Variants in EPS8 observed in about 807,000 individuals in gnomAD.
EPS8 encodes the protein epidermal growth factor receptor kinase substrate 8.
EPS8 carries 42 observed loss-of-function variants against 103.8 expected under a neutral mutation model. The ratio of observed to expected loss-of-function variants is 0.40; its 90% CI spans 0.32 to 0.52. The LOEUF (loss-of-function observed/expected upper bound fraction) is 0.52, where lower values mean the gene tolerates loss of function less well. Among genes scored for constraint, EPS8 ranks in the 20% least tolerant of loss-of-function variants. The pLI, the probability that EPS8 is intolerant of heterozygous loss-of-function variation, is 0.40. For missense variants in EPS8, 969 were observed against 1,005.1 expected (o/e 0.96, Z 0.49); for synonymous variants, 344 against 344.6 (o/e 1.00, Z 0.02).
intron 6 of EPS8, among the ~76,000 whole-genome samples, chr12:15,668,728 T>C (rs1445094131): frequency 6.6e-6 from 1 of 152,234 alleles, no homozygotes; most frequent in Non-Finnish European, 1.5e-5. Context: ...TCTAAGTACT[T>C]CATTGCAGTA....
At chr12:15,774,219 A>G (rs1030930396) in intron 1 of EPS8, among the ~76,000 whole-genome samples, 2 of 152,084 alleles carry the variant, frequency 1.3e-5, no homozygotes, top group Admixed American at 1.3e-4. Flanking sequence ...AAAATGAGGA[A>G]CTAATGAATT....
intron 1 of EPS8, among the ~76,000 whole-genome samples, chr12:15,770,089 C>T (rs1947137513): frequency 6.6e-6 from 1 of 151,654 alleles, no homozygotes; most frequent in Non-Finnish European, 1.5e-5. Flanking sequence ...ACTACAGGCA[C>T]ATGCCACCAT....
At chr12:15,644,095 G>C (rs952802179) in intron 15 of EPS8, among the ~76,000 whole-genome samples, 3 of 152,292 alleles carry the variant, frequency 2.0e-5, no homozygotes, top group Middle Eastern at 3.4e-3. Context: ...ACCTAATTTA[G>C]TAGGTAGACA....
At position 15,689,031 on chromosome 12, in the gene EPS8, T is replaced by A. The variant is rs1469174488; in HGVS notation, c.-21-6059A>T. Among the ~76,000 whole-genome samples the A allele has an allele frequency of 2.0e-5, 3 of 152,108 alleles. No individual in the cohort carries two copies. The South Asian group carries it at 6.2e-4, about 31-fold the overall frequency. On this transcript the variant is annotated intron_variant, in intron 1 of 20. Transcript: ENST00000281172. ...ACTGAAGAAACAAGCCACACCGACA[T>A]TGCATGCCCTGCGAGGGGGACAAAG...
At chr12:15,650,743 G>T in intron 14 of EPS8, 80 bp downstream of exon 14, 1 of 1,180,952 alleles carries the variant, frequency 8.5e-7, no homozygotes, top group South Asian at 1.5e-5. Flanking sequence ...TGAATAAAAT[G>T]AGAACTTGCA....
In EPS8 at chr12:15,650,835, T is replaced by A. The variant is rs749167879; in HGVS notation, c.1422A>T (p.Arg474Ser). 2 of 1,613,870 alleles carry A rather than the reference T, an allele frequency of 1.2e-6. No homozygotes were observed. The highest frequency in any genetic ancestry group is 3.3e-5 in the Admixed American group (2 of 60,010). The change falls in exon 14 of 21, where the codon AGA becomes AGT. Residue 474 changes from arginine to serine, a missense_variant. Physicochemically the swap from Arg to Ser is moderately radical, Grantham distance 110. Coordinates refer to ENST00000281172, the MANE Select transcript of EPS8 (RefSeq NM_004447.6). ...AEHQRKQEIK[R>S]LSTEHSSVSE... Reference sequence around the variant, plus strand: ...AAAAAAAAACTACCTCTGTGGATAATCTTTTTATTTCCTGTTTGCGCTGAT... The same window carrying A: ...AAAAAAAAACTACCTCTGTGGATAAACTTTTTATTTCCTGTTTGCGCTGAT...
intron 1 of EPS8, among the ~76,000 whole-genome samples, chr12:15,782,996 A>G (rs1947275291): frequency 6.6e-6 from 1 of 152,216 alleles, no homozygotes; most frequent in South Asian, 2.1e-4. Flanking sequence ...AATACCATAA[A>G]CCTTGAATGA....
rs1049727796 is a variant in EPS8, at chr12:15,716,454, A to G, written c.-21-33482T>C. Among the ~76,000 whole-genome samples the G allele has an allele frequency of 1.3e-5, 2 of 152,304 alleles. No homozygotes were observed. Among genetic ancestry groups the G allele is most frequent in the African/African-American group, 4.8e-5 (2 of 41,578 alleles). ...TCCATAGTCATTCATATCCATACACAGGATATCAATGATAGTGGAACAATT... is the reference window on the plus strand; with the variant it reads ...TCCATAGTCATTCATATCCATACACGGGATATCAATGATAGTGGAACAATT... On this transcript the variant is annotated intron_variant, in intron 1 of 20. Transcript: ENST00000281172. This position sits in a 1 kb window ranked among gnomAD's most constrained non-coding sequence, Gnocchi z 5.0.
rs911390576 is a variant in EPS8, at chr12:15,696,575, A to G, written c.-21-13603T>C. Among the ~76,000 whole-genome samples the G allele has an allele frequency of 6.6e-6, 1 of 152,076 alleles. No individual in the cohort carries two copies. Among genetic ancestry groups the G allele is most frequent in the African/African-American group, 2.4e-5 (1 of 41,408 alleles). ...AGAATTGCTTGAACCCAGGAGGCGG[A>G]GGTTGCAGTGAGCCAAGATCGCACC... On this transcript the variant is annotated intron_variant, in intron 1 of 20. Coordinates refer to ENST00000281172, the MANE Select transcript of EPS8 (RefSeq NM_004447.6). The surrounding 1 kb of genome is among the most constrained non-coding windows in gnomAD (Gnocchi z 4.8).
At position 15,781,215 on chromosome 12, in the gene EPS8, A is replaced by G. The variant is rs1215965089; in HGVS notation, c.-22+7946T>C. ...ATGAGTCAACAGAAAACAAAGCTAG[A>G]AGAATCTTTGTGGAGCTTAAATACA... On this transcript the variant is annotated intron_variant, in intron 1 of 20. Coordinates refer to ENST00000281172, the MANE Select transcript of EPS8 (RefSeq NM_004447.6). This position sits in a 1 kb window ranked among gnomAD's most constrained non-coding sequence, Gnocchi z 4.1. Among the ~76,000 whole-genome samples the G allele has an allele frequency of 2.0e-5, 3 of 152,232 alleles. No homozygotes were observed. The highest frequency in any genetic ancestry group is 4.4e-5 in the Non-Finnish European group (3 of 68,048).
chr12:15,761,312 A>G lies in EPS8; in HGVS notation c.-22+27849T>C, dbSNP rs1359895613. Among the ~76,000 whole-genome samples the G allele has an allele frequency of 6.6e-6, 1 of 152,162 alleles. No homozygotes were observed. The highest frequency in any genetic ancestry group is 1.5e-5 in the Non-Finnish European group (1 of 68,010). On this transcript the variant is annotated intron_variant, in intron 1 of 20. Coordinates refer to ENST00000281172, the MANE Select transcript of EPS8 (RefSeq NM_004447.6). The surrounding 1 kb of genome is among the most constrained non-coding windows in gnomAD (Gnocchi z 4.5). ...GACACCAAAAAATGGAAAATATTCT[A>G]TGTTCATGGATTGAAAGAATCAATA... is the stretch of plus-strand genomic sequence containing the variant.
intron 17 of EPS8, among the ~76,000 whole-genome samples, chr12:15,640,450 A>G (rs972397298): frequency 2.6e-5 from 4 of 152,248 alleles, no homozygotes; most frequent in Middle Eastern, 3.4e-3. Flanking sequence ...CAGATTGGGG[A>G]AAAAAAGCAT....
At chr12:15,722,523 T>C (rs1359868562) in intron 1 of EPS8, among the ~76,000 whole-genome samples, 1 of 152,178 alleles carries the variant, frequency 6.6e-6, no homozygotes, top group African/African-American at 2.4e-5. Flanking sequence ...GATATGCCCA[T>C]CTCTAAATTA....
At chr12:15,788,961 A>G (rs979915625) in intron 1 of EPS8, among the ~76,000 whole-genome samples, 200 bp downstream of exon 1, 1 of 152,056 alleles carries the variant, frequency 6.6e-6, no homozygotes, top group South Asian at 2.1e-4. Flanking sequence ...GCTTGCCCGG[A>G]CCCGGCGAGC....
intron 1 of EPS8, among the ~76,000 whole-genome samples, chr12:15,724,459 A>G (rs1333948818): frequency 6.6e-6 from 1 of 152,122 alleles, no homozygotes; most frequent in Non-Finnish European, 1.5e-5. Flanking sequence ...CATATCTCCC[A>G]CACAAATTAT....
At chr12:15,715,881 A>AG (rs1946527933) in intron 1 of EPS8, among the ~76,000 whole-genome samples, 1 of 151,804 alleles carries the variant, frequency 6.6e-6, no homozygotes, top group Non-Finnish European at 1.5e-5. Context: ...GAAGGACATT[A>AG]GGGAAAAAAA....
intron 1 of EPS8, among the ~76,000 whole-genome samples, chr12:15,710,729 A>T (rs1370073733): frequency 1.3e-5 from 2 of 151,380 alleles, no homozygotes; most frequent in African/African-American, 2.4e-5. Flanking sequence ...AACAAACTCT[A>T]AAAAAAAGGA....
rs917736759 is a variant in EPS8 at position 15,725,962 on chromosome 12, A to G, written c.-21-42990T>C. 1.3e-5 allele frequency among the ~76,000 whole-genome samples: 2 copies of G among 152,184 alleles called. No homozygotes were observed. The highest frequency in any genetic ancestry group is 4.8e-5 in the African/African-American group (2 of 41,438). On this transcript the variant is annotated intron_variant, in intron 1 of 20. Coordinates refer to ENST00000281172, the MANE Select transcript of EPS8 (RefSeq NM_004447.6). The surrounding 1 kb of genome is among the most constrained non-coding windows in gnomAD (Gnocchi z 4.5). Reference sequence around the variant, plus strand: ...AAGTGTACACATAGCACATGCATACACTGAACAGCATAAACACTGAACAAA... The same window carrying G: ...AAGTGTACACATAGCACATGCATACGCTGAACAGCATAAACACTGAACAAA...
chr12:15,631,356 A>T, intron 18 of EPS8, 86 bp downstream of exon 18: 1 of 1,569,636 alleles, frequency 6.4e-7, no homozygotes, highest in Non-Finnish European at 8.6e-7. Context: ...GGACTTTAAT[A>T]CAAGTAGAAT....
Sources: allele counts gnomAD v4.1 joint callset (sites outside exome capture counted in the v4.1 genomes callset), GRCh38; gene constraint gnomAD v4.1.1; non-coding constraint Gnocchi (gnomAD v3.1); transcripts MANE v1.5; gene names NCBI Gene and HGNC (gene_info 2026-07-23, HGNC 2026-07-21).